The following ZNF701 variants were observed in gnomAD, a reference collection of about 807,000 sequenced individuals.
The protein encoded by ZNF701 is zinc finger protein 701.
ZNF701 carries 6 observed loss-of-function variants against 7.1 expected under a neutral mutation model. The observed-to-expected ratio is 0.84, with a 90% CI of 0.46 to 1.66. The LOEUF (loss-of-function observed/expected upper bound fraction) is 1.66. Ranked by LOEUF, ZNF701 falls within the 40% of genes most tolerant of loss-of-function variation. The probability of loss-of-function intolerance (pLI) is 0.01; values close to 1 mark genes in which losing one functional copy is unlikely to be tolerated. For synonymous variants in ZNF701, 166 were observed against 188.2 expected (o/e 0.88, Z 0.97); for missense variants, 541 against 559.2 (o/e 0.97, Z 0.33).
At chr19:52,571,259 A>AGGG (rs2059897081) in intron 1 of ZNF701, among the ~76,000 whole-genome samples, 2 of 147,706 alleles carry the variant, frequency 1.4e-5, no homozygotes, top group South Asian at 2.1e-4. Context: ...AGAGAGGAGG[A>AGGG]ATTTGGAGCC....
At chr19:52,575,763 A>G (rs577535621) in intron 2 of ZNF701, 132 bp from the exon 3 acceptor site, 73 of 639,738 alleles carry the variant, frequency 1.1e-4, no homozygotes, top group Non-Finnish European at 1.7e-4. Flanking sequence ...CATGTGGTGA[A>G]GAATCCCTTA....
chr19:52,576,181 C>G (rs965607176), intron 3 of ZNF701, among the ~76,000 whole-genome samples, 160 bp downstream of exon 3: 1 of 152,182 alleles, frequency 6.6e-6, no homozygotes, highest in African/African-American at 2.4e-5. Flanking sequence ...CTTTCACTGT[C>G]CCCTTTAGAT....
At chr19:52,595,784 A>G in the ZNF701 span, 5 of 1,601,878 alleles carry the variant, frequency 3.1e-6, no homozygotes, top group Non-Finnish European at 4.3e-6. Flanking sequence ...GTGGCAAGAA[A>G]TTTAAAGAAA....
At chr19:52,590,809 T>TA (rs1465189792), downstream of ZNF701, among the ~76,000 whole-genome samples, 2 of 152,164 alleles carry the variant, frequency 1.3e-5, no homozygotes, top group African/African-American at 2.4e-5. Flanking sequence ...TTGTAGTGTG[T>TA]ACAGGAGAGC....
At chr19:52,588,155 T>A (rs1440375708), downstream of ZNF701, among the ~76,000 whole-genome samples, 1 of 151,710 alleles carries the variant, frequency 6.6e-6, no homozygotes, top group Non-Finnish European at 1.5e-5. Context: ...CTCCCCTGTG[T>A]GTGTGTTTTG....
In ZNF701 at chr19:52,584,392, T is replaced by C; in HGVS notation, c.*935T>C. On this transcript the variant is annotated 3_prime_UTR_variant, in exon 4 of 4. Coordinates refer to ENST00000391785, the MANE Select transcript of ZNF701 (RefSeq NM_018260.3). ...AATCCAGCACTTTAGGAGCCCAAGG[T>C]GGATAGATCACTTGAGGTCATGAGT... 1 of 156,446 alleles carries C rather than the reference T, an allele frequency of 6.4e-6. No individual in the cohort carries two copies. The allele number at this position is 156,446 out of a possible 1,614,324, so 9.7% of individuals were successfully genotyped here.
intron 1 of ZNF701, chr19:52,572,953 T>C (rs2059910502): frequency 3.5e-6 from 1 of 287,666 alleles, no homozygotes; most frequent in Non-Finnish European, 6.8e-6. Context: ...CTCCTTCAGG[T>C]CCTGGCTCAG....
chr19:52,589,993 T>C (rs1388622196), downstream of ZNF701, among the ~76,000 whole-genome samples: 2 of 152,080 alleles, frequency 1.3e-5, no homozygotes, highest in African/African-American at 4.8e-5. Context: ...AGGGTTTCTC[T>C]ATGTTGGTCA....
At chr19:52,575,414 C>CAT (rs2059927774) in intron 2 of ZNF701, among the ~76,000 whole-genome samples, 1 of 151,600 alleles carries the variant, frequency 6.6e-6, no homozygotes, top group Admixed American at 6.6e-5. Flanking sequence ...TTTGTATTAA[C>CAT]GTGGTTTTTT....
chr19:52,583,459 AGT>A lies in ZNF701; in HGVS notation c.*5_*6del. Reference sequence around the variant, plus strand: ...CTTCATACTGGAAAGAAATCTTAGAAGTGTAAATTTGCAAGGTTTTTAGGCAA... The same window carrying A: ...CTTCATACTGGAAAGAAATCTTAGAAGTAAATTTGCAAGGTTTTTAGGCAA... On this transcript the variant is annotated 3_prime_UTR_variant, in exon 4 of 4. Transcript: ENST00000391785. 1 of 1,610,316 alleles carries A rather than the reference AGT, an allele frequency of 6.2e-7. No homozygotes were observed. The highest frequency in any genetic ancestry group is 1.7e-4 in the Middle Eastern group (1 of 6,028).
Position 52,584,534 on chromosome 19 carries a change from T to G in ZNF701, c.*1077T>G, listed in dbSNP as rs533648153. Reference sequence around the variant, plus strand: ...TGTGTTGAATCTGAATCACATTGGCTTATATAATAACAATATTGATTTTTC... The same window carrying G: ...TGTGTTGAATCTGAATCACATTGGCGTATATAATAACAATATTGATTTTTC... On this transcript the variant is annotated 3_prime_UTR_variant, in exon 4 of 4. Coordinates refer to ENST00000391785, the MANE Select transcript of ZNF701 (RefSeq NM_018260.3). 1 of 152,466 alleles carries G rather than the reference T, an allele frequency of 6.6e-6. No individual in the cohort carries two copies. The highest frequency in any genetic ancestry group is 6.5e-5 in the Admixed American group (1 of 15,302). 9.4% of individuals were successfully genotyped at this position (152,466 alleles called of 1,614,324 possible). A position where few individuals can be genotyped will look rare whatever the true frequency, so the allele number is the denominator to read the frequency against.
chr19:52,570,935 G>C (rs1038234486), intron 1 of ZNF701: 1 of 152,308 alleles, frequency 6.6e-6, no homozygotes, highest in Non-Finnish European at 1.5e-5. Flanking sequence ...GAGCCTCTCT[G>C]GGATGCAGGC....
chr19:52,599,161 G>A, the ZNF701 span, among the ~76,000 whole-genome samples: 12 of 151,502 alleles, frequency 7.9e-5, no homozygotes, highest in African/African-American at 2.9e-4. Flanking sequence ...CCGAGTAGCT[G>A]GGATTACAGG....
chr19:52,583,595 G>A lies in ZNF701; in HGVS notation c.*138G>A, dbSNP rs2059991170. The A allele has an allele frequency of 7.1e-7, 1 of 1,402,842 alleles. No homozygotes were observed. The highest frequency in any genetic ancestry group is 1.4e-5 in the African/African-American group (1 of 70,564). The allele number at this position is 1,402,842 out of a possible 1,614,324, so 86.9% of individuals were successfully genotyped here. A position where few individuals can be genotyped will look rare whatever the true frequency, so the allele number is the denominator to read the frequency against. On this transcript the variant is annotated 3_prime_UTR_variant, in exon 4 of 4. Transcript: ENST00000391785. ...TCAAATCACTCCTTGAAATACATAG[G>A]AGAGTTCATACTGGAGAGAAACCAT...
downstream of ZNF701, among the ~76,000 whole-genome samples, chr19:52,589,919 A>C (rs182208858): frequency 2.5e-4 from 38 of 151,958 alleles, no homozygotes; most frequent in East Asian, 6.6e-3. Flanking sequence ...TCAGCTTCAC[A>C]AGTAGCTGAG....
At chr19:52,571,900 T>C (rs952130971) in intron 1 of ZNF701, among the ~76,000 whole-genome samples, 4 of 152,074 alleles carry the variant, frequency 2.6e-5, no homozygotes, top group African/African-American at 4.8e-5. Flanking sequence ...CTCGGCTCAC[T>C]GCAACCTCCA....
chr19:52,596,267 A>C, the ZNF701 span: 1 of 453,860 alleles, frequency 2.2e-6, no homozygotes, highest in African/African-American at 2.0e-5. Flanking sequence ...TAGTGTTCAT[A>C]CTGGAGAAAA....
chr19:52,599,433 G>A, the ZNF701 span, among the ~76,000 whole-genome samples: 1 of 152,164 alleles, frequency 6.6e-6, no homozygotes, highest in Non-Finnish European at 1.5e-5. Context: ...GTGGAATGCA[G>A]GTGCAACTTC....
chr19:52,578,900 G>C lies in ZNF701; in HGVS notation c.142+2879G>C, dbSNP rs1327154877. Among the ~76,000 whole-genome samples the C allele has an allele frequency of 2.6e-5, 4 of 151,978 alleles. No individual in the cohort carries two copies. The East Asian group carries it at 7.8e-4, about 30-fold the overall frequency. On this transcript the variant is annotated intron_variant, in intron 3 of 3. Transcript: ENST00000391785. Reference sequence around the variant, plus strand: ...AGCCTCCCGAGTACCTGGGACTACAGGCTCCCGCCACCGCGCCTGGCTAAT... The same window carrying C: ...AGCCTCCCGAGTACCTGGGACTACACGCTCCCGCCACCGCGCCTGGCTAAT...
Sources: allele counts gnomAD v4.1 joint callset (sites outside exome capture counted in the v4.1 genomes callset), GRCh38; gene constraint gnomAD v4.1.1; transcripts MANE v1.5; gene names NCBI Gene and HGNC (gene_info 2026-07-23, HGNC 2026-07-21).